Variants in DOCK3 observed in about 807,000 individuals in gnomAD.
The protein encoded by DOCK3 is dedicator of cytokinesis 3, also known as dedicator of cytokinesis protein 3.
DOCK3 carries 60 observed loss-of-function variants against 265.6 expected under a neutral mutation model. The observed-to-expected ratio is 0.23, with a 90% CI of 0.18 to 0.28. The LOEUF (loss-of-function observed/expected upper bound fraction) is 0.28, where lower values mean the gene tolerates loss of function less well. Ranked by LOEUF, DOCK3 falls within the 10% of genes least tolerant of loss-of-function variation. DOCK3 has a pLI of 1.00. For missense variants in DOCK3, 1,981 were observed against 2,594.3 expected, an observed-to-expected ratio of 0.76 and a Z score of 5.14; for synonymous variants, 881 against 938.0, an observed-to-expected ratio of 0.94 and a Z score of 1.11.
chr3:51,018,847 T>TA (rs1488789060), intron 5 of DOCK3, among the ~76,000 whole-genome samples: 1 of 151,938 alleles, frequency 6.6e-6, no homozygotes, highest in African/African-American at 2.4e-5. Flanking sequence ...GTTCAGTTTT[T>TA]AAAAAATTAC....
intron 5 of DOCK3, among the ~76,000 whole-genome samples, chr3:50,940,221 G>A (rs951250112): frequency 6.6e-6 from 1 of 151,412 alleles, no homozygotes; most frequent in African/African-American, 2.4e-5. Context: ...GGAGGCTGAG[G>A]CAGGAAGACT....
chr3:51,274,647 T>C (rs2080713208), intron 24 of DOCK3, among the ~76,000 whole-genome samples: 1 of 151,914 alleles, frequency 6.6e-6, no homozygotes, highest in South Asian at 2.1e-4. Context: ...TGTGGTGCCA[T>C]ACACCTGTGG....
chr3:51,038,556 A>G (rs1274659461), intron 5 of DOCK3, among the ~76,000 whole-genome samples: 1 of 152,048 alleles, frequency 6.6e-6, no homozygotes, highest in Non-Finnish European at 1.5e-5. Flanking sequence ...TTTATTCCAA[A>G]TGAGTAAGAT....
At chr3:50,903,733 A>G (rs2049321443) in intron 4 of DOCK3, among the ~76,000 whole-genome samples, 2 of 152,076 alleles carry the variant, frequency 1.3e-5, no homozygotes, top group African/African-American at 4.8e-5. Context: ...TAGTTTTAGT[A>G]GAAATGGTAC....
At chr3:50,703,881 G>A (rs2036217533) in intron 1 of DOCK3, among the ~76,000 whole-genome samples, 1 of 151,166 alleles carries the variant, frequency 6.6e-6, no homozygotes, top group Admixed American at 6.6e-5. Context: ...ACATTGGTAG[G>A]TTAACTTCTA....
At chr3:50,734,751 C>T (rs931970372) in intron 1 of DOCK3, among the ~76,000 whole-genome samples, 33 of 151,784 alleles carry the variant, frequency 2.2e-4, no homozygotes, top group African/African-American at 6.8e-4. Context: ...TACAGGTGCC[C>T]GCCACCATGT....
At chr3:51,199,360 T>TA (rs1173830388) in intron 12 of DOCK3, among the ~76,000 whole-genome samples, 2 of 152,190 alleles carry the variant, frequency 1.3e-5, no homozygotes, top group African/African-American at 4.8e-5. Flanking sequence ...CCGATGGGCT[T>TA]AAAAAACGAC....
chr3:51,162,625 C>A (rs1367807563), intron 12 of DOCK3, among the ~76,000 whole-genome samples: 1 of 152,150 alleles, frequency 6.6e-6, no homozygotes, highest in African/African-American at 2.4e-5. Flanking sequence ...AGATAGCACT[C>A]CAGAATTGTT....
At chr3:51,227,011 A>G (rs1373468455) in intron 15 of DOCK3, among the ~76,000 whole-genome samples, 1 of 152,118 alleles carries the variant, frequency 6.6e-6, no homozygotes, top group African/African-American at 2.4e-5. Context: ...ATTTAGATGC[A>G]CCACCCTGCT....
chr3:50,746,275 T>G (rs2039436354), intron 1 of DOCK3, among the ~76,000 whole-genome samples: 2 of 151,944 alleles, frequency 1.3e-5, no homozygotes, highest in African/African-American at 2.4e-5. Context: ...CCTGGCTAAT[T>G]TTTGTATTTT....
intron 3 of DOCK3, among the ~76,000 whole-genome samples, chr3:50,861,618 T>G (rs2046911979): frequency 6.6e-6 from 1 of 152,268 alleles, no homozygotes; most frequent in African/African-American, 2.4e-5. Context: ...ATATTGGGTG[T>G]GTATATATTT....
At chr3:50,865,776 G>A (rs1841067) in intron 3 of DOCK3, among the ~76,000 whole-genome samples, 15,084 of 152,178 alleles carry the variant, frequency 0.099, 926 homozygotes, top group Non-Finnish European at 0.13. Flanking sequence ...CCAACAGCAT[G>A]CAAGGGTTCC....
At chr3:51,175,454 G>A (rs1463536021) in intron 12 of DOCK3, among the ~76,000 whole-genome samples, 4 of 152,196 alleles carry the variant, frequency 2.6e-5, no homozygotes, top group African/African-American at 9.6e-5. Flanking sequence ...GACACAGATG[G>A]TCATGTTTCT....
chr3:50,768,670 T>C (rs140155777), intron 1 of DOCK3, among the ~76,000 whole-genome samples: 6 of 152,356 alleles, frequency 3.9e-5, no homozygotes, highest in East Asian at 3.9e-4. Flanking sequence ...TGGACACTTA[T>C]ATTGATTCCA....
chr3:51,059,176 C>T (rs187558525), intron 5 of DOCK3, among the ~76,000 whole-genome samples: 2 of 152,132 alleles, frequency 1.3e-5, no homozygotes, highest in Middle Eastern at 3.4e-3. Flanking sequence ...TGAGAACATA[C>T]GGTGTTTGTT....
intron 5 of DOCK3, among the ~76,000 whole-genome samples, chr3:50,978,666 G>T (rs1327598172): frequency 6.6e-6 from 1 of 152,218 alleles, no homozygotes; most frequent in East Asian, 1.9e-4. Context: ...GCTGTGGTGG[G>T]CTCCACCCAG....
chr3:51,246,877 C>A, intron 22 of DOCK3, 70 bp downstream of exon 22: 1 of 1,466,956 alleles, frequency 6.8e-7, no homozygotes, highest in Non-Finnish European at 9.4e-7. Context: ...CTCAGTGATA[C>A]AATGTGCAGG....
intron 14 of DOCK3, among the ~76,000 whole-genome samples, chr3:51,220,687 A>G (rs2355938): frequency 0.1 from 7,095 of 67,774 alleles, 483 homozygotes; most frequent in African/African-American, 0.19. Flanking sequence ...ATATATATAT[A>G]TGTGTGTGTG....
intron 2 of DOCK3, among the ~76,000 whole-genome samples, chr3:50,799,528 A>G (rs1336716226): frequency 6.6e-6 from 1 of 152,028 alleles, no homozygotes; most frequent in African/African-American, 2.4e-5. Flanking sequence ...TCCTGTATAG[A>G]AGTGATACTG....
Sources: allele counts gnomAD v4.1 joint callset (sites outside exome capture counted in the v4.1 genomes callset), GRCh38; gene constraint gnomAD v4.1.1; transcripts MANE v1.5; gene names NCBI Gene and HGNC (gene_info 2026-07-23, HGNC 2026-07-21).